XPNPEP1: variants seen among roughly 807,000 people sequenced by gnomAD.
XPNPEP1 encodes the protein X-prolyl aminopeptidase 1.
XPNPEP1 carries 39 observed loss-of-function variants against 92.4 expected under a neutral mutation model. The observed-to-expected ratio is 0.42, with a 90% confidence interval of 0.33 to 0.55. The LOEUF is 0.55. Ranked by LOEUF, XPNPEP1 falls within the 20% of genes least tolerant of loss-of-function variation. XPNPEP1 has a pLI of 0.08. For synonymous variants in XPNPEP1, 307 were observed against 299.4 expected (o/e 1.03, Z -0.26); for missense variants, 654 against 856.1 (o/e 0.76, Z 2.95).
Position 109,867,720 on chromosome 10 carries a change from CAA to C in XPNPEP1, c.1872+892_1872+893del, listed in dbSNP as rs940740177. On this transcript the variant is annotated intron_variant, in intron 20 of 20. Coordinates refer to ENST00000502935, the MANE Select transcript of XPNPEP1 (RefSeq NM_020383.4). This position sits in a 1 kb window ranked among gnomAD's most constrained non-coding sequence, Gnocchi z 4.5. The stretch of plus-strand genomic sequence containing the variant: ...AAAGGCCATTGGCTGCCTCAGATAA[CAA>C]AATATTCTTATTCCGAGAGTAACCC... 6.6e-6 allele frequency among the ~76,000 whole-genome samples: 1 copy of C among 152,236 alleles called. No homozygotes were observed. The highest frequency in any genetic ancestry group is 2.4e-5 in the African/African-American group (1 of 41,466).
chr10:109,880,327 G>T (rs1848020910), intron 11 of XPNPEP1, 89 bp from the exon 12 acceptor site: 3 of 1,348,126 alleles, frequency 2.2e-6, no homozygotes, highest in Non-Finnish European at 2.1e-6. Context: ...TACTGAGAAG[G>T]CTGTACCTGC....
intron 1 of XPNPEP1, among the ~76,000 whole-genome samples, chr10:109,922,459 G>A (rs1038858484): frequency 1.3e-5 from 2 of 152,168 alleles, no homozygotes; most frequent in African/African-American, 4.8e-5. Context: ...CTTCCACAGG[G>A]TGGGTCTGGT....
intron 8 of XPNPEP1, 52 bp downstream of exon 8, chr10:109,886,194 C>G: frequency 6.3e-7 from 1 of 1,581,592 alleles, no homozygotes. Flanking sequence ...TACCCAGAGA[C>G]CCAAAGGAGA....
intron 10 of XPNPEP1, among the ~76,000 whole-genome samples, chr10:109,881,422 G>A (rs1848089093): frequency 6.6e-6 from 1 of 152,096 alleles, no homozygotes; most frequent in Non-Finnish European, 1.5e-5. Context: ...ATCTTGAAGG[G>A]CTGGAGAAGA....
At chr10:109,871,940 C>T (rs1807343755) in intron 16 of XPNPEP1, 79 bp from the exon 17 acceptor site, 1 of 1,401,772 alleles carries the variant, frequency 7.1e-7, no homozygotes, top group Non-Finnish European at 9.8e-7. Flanking sequence ...TTCAGAAAAT[C>T]CTGCCTGCTA....
Position 109,873,395 on chromosome 10 carries a change from T to C in XPNPEP1, c.1424A>G (p.His475Arg). 6.2e-7 allele frequency: 1 copy of C among 1,614,168 alleles called. No individual in the cohort carries two copies. Among genetic ancestry groups the C allele is most frequent in the Non-Finnish European group, 8.5e-7 (1 of 1,180,022 alleles). ...DGTTDVTRTM[H>R]FGTPTAYEKE... ...CTCGTAGGCTGTAGGGGTCCCAAAA[T>C]GCATTGTCCGCGTCACATCTGTGGT... The change falls in exon 16 of 21, where the codon CAT becomes CGT. Residue 475 changes from histidine (H) to arginine (R), a missense_variant. Transcript: ENST00000502935.
intron 1 of XPNPEP1, among the ~76,000 whole-genome samples, chr10:109,922,140 AC>A (rs1198009206): frequency 1.3e-5 from 2 of 152,162 alleles, no homozygotes; most frequent in Non-Finnish European, 2.9e-5. Context: ...AGAAGTGCTC[AC>A]TTTTACAAGG....
intron 3 of XPNPEP1, 128 bp from the exon 4 acceptor site, chr10:109,893,203 G>A: frequency 1.3e-6 from 1 of 746,826 alleles, no homozygotes; most frequent in South Asian, 1.8e-5. Context: ...CCGCCCTCAA[G>A]AAGCCAACAG....
At position 109,873,458 on chromosome 10, in the gene XPNPEP1, G is replaced by A. The variant is rs139130330; in HGVS notation, c.1392-31C>T. ...CAAAAAAAGGACAAATTGGTTTCCC[G>A]TCAAAATAAGCTTTAAGTCAAATAT... is the stretch of plus-strand genomic sequence containing the variant. On this transcript the variant is annotated intron_variant, in intron 15 of 20. Coordinates refer to ENST00000502935, the MANE Select transcript of XPNPEP1 (RefSeq NM_020383.4). The A allele has an allele frequency of 3.9e-4, 633 of 1,613,898 alleles. 1 individual carries two copies. In the African/African-American group the frequency reaches 5.0e-3, roughly 13 times the overall value.
chr10:109,900,484 G>A (rs1849224992), intron 3 of XPNPEP1, among the ~76,000 whole-genome samples: 1 of 152,080 alleles, frequency 6.6e-6, no homozygotes, highest in Non-Finnish European at 1.5e-5. Context: ...ACTAAAACAA[G>A]GAACCCATTT....
In XPNPEP1 at chr10:109,893,058, T is replaced by A. The variant is rs377579575; in HGVS notation, c.264A>T (p.Pro88=). 6.2e-7 allele frequency: 1 copy of A among 1,613,648 alleles called. No homozygotes were observed. Among genetic ancestry groups the A allele is most frequent in the African/African-American group, 1.3e-5 (1 of 74,926 alleles). The change falls in exon 4 of 21, where the codon CCA becomes CCT. Residue 88 remains proline, a synonymous_variant. Coordinates refer to ENST00000502935, the MANE Select transcript of XPNPEP1 (RefSeq NM_020383.4). ...GDAHQSEYIA[P]CDCRRAFVSG... The stretch of plus-strand genomic sequence containing the variant: ...AGACAAAAGCCCGCCGACAGTCACA[T>A]GGAGCAATATACTCACTCTGGAAAA...
intron 3 of XPNPEP1, among the ~76,000 whole-genome samples, chr10:109,896,523 G>A (rs1849001858): frequency 6.7e-6 from 1 of 148,830 alleles, no homozygotes; most frequent in Non-Finnish European, 1.5e-5. Flanking sequence ...GCCTGCCTCA[G>A]CCTCCCAAAG....
Position 109,923,446 on chromosome 10 carries a change from T to A in XPNPEP1, c.-13A>T. 1 of 1,434,488 alleles carries A rather than the reference T, an allele frequency of 7.0e-7. No individual in the cohort carries two copies. The highest frequency in any genetic ancestry group is 2.4e-5 in the Admixed American group (1 of 40,840). The allele number at this position is 1,434,488 out of a possible 1,614,324, so 88.9% of individuals were successfully genotyped here. A position where few individuals can be genotyped will look rare whatever the true frequency, so the allele number is the denominator to read the frequency against. ...TGGAGGCTGCCATTCGGCGGTGACG[T>A]GCCCCAGCCCACGTCAGGGGAGCGC... On this transcript the variant is annotated 5_prime_UTR_variant, in exon 1 of 21. Coordinates refer to ENST00000502935, the MANE Select transcript of XPNPEP1 (RefSeq NM_020383.4).
In XPNPEP1 at chr10:109,867,520, A is replaced by G. The variant is rs746373730; in HGVS notation, c.1872+1094T>C. ...AAGCAGGAAGTGGATGGACTTTCTC[A>G]TCACCCACCTGTGAACTGGAACAGG... On this transcript the variant is annotated intron_variant, in intron 20 of 20. Transcript: ENST00000502935. The surrounding 1 kb of genome is among the most constrained non-coding windows in gnomAD (Gnocchi z 4.5). Among the ~76,000 whole-genome samples the G allele has an allele frequency of 3.9e-5, 6 of 152,194 alleles. No individual in the cohort carries two copies. The highest frequency in any genetic ancestry group is 4.4e-5 in the Non-Finnish European group (3 of 68,028).
chr10:109,898,979 T>C (rs1849131025), intron 3 of XPNPEP1, among the ~76,000 whole-genome samples: 1 of 152,250 alleles, frequency 6.6e-6, no homozygotes. Flanking sequence ...AGCTTGGCAC[T>C]GTGCCTCAAA....
intron 3 of XPNPEP1, chr10:109,893,402 T>A (rs780563146): frequency 9.0e-6 from 2 of 222,540 alleles, no homozygotes; most frequent in Non-Finnish European, 1.8e-5. Flanking sequence ...CCTTCTCCCC[T>A]CCTTGCCACT....
At chr10:109,886,698 A>G (rs1018703666) in intron 7 of XPNPEP1, among the ~76,000 whole-genome samples, 2 of 152,198 alleles carry the variant, frequency 1.3e-5, no homozygotes, top group Non-Finnish European at 2.9e-5. Flanking sequence ...TATAGAAGGG[A>G]AGACAGATAA....
At position 109,865,146 on chromosome 10, in the gene XPNPEP1, C is replaced by T; in HGVS notation, c.*38G>A. Reference sequence around the variant, plus strand: ...GATCTGCCACGTTTCTTCCTTCCTCCAGAGCATTTTACAAAAACAAAACCG... The same window carrying T: ...GATCTGCCACGTTTCTTCCTTCCTCTAGAGCATTTTACAAAAACAAAACCG... On this transcript the variant is annotated 3_prime_UTR_variant, in exon 21 of 21. Transcript: ENST00000502935. 1 of 1,612,918 alleles carries T rather than the reference C, an allele frequency of 6.2e-7. No individual in the cohort carries two copies. The highest frequency in any genetic ancestry group is 2.2e-5 in the East Asian group (1 of 44,878).
intron 7 of XPNPEP1, among the ~76,000 whole-genome samples, chr10:109,887,752 C>T (rs370232014): frequency 2.6e-5 from 4 of 152,180 alleles, no homozygotes; most frequent in South Asian, 2.1e-4. Context: ...CAAATACGTT[C>T]GAGTGGCAGT....
Sources: gnomAD v4.1 joint callset for allele counts (sites outside exome capture counted in the v4.1 genomes callset) on GRCh38, gnomAD v4.1.1 for gene constraint, Gnocchi (gnomAD v3.1) non-coding constraint, MANE v1.5 for transcripts, NCBI Gene and HGNC (gene_info 2026-07-23, HGNC 2026-07-21) for gene names.